KCNMA1: variants seen among roughly 807,000 people sequenced by gnomAD.
The protein encoded by KCNMA1 is Calcium-activated potassium channel subunit alpha-1.
A neutral mutation model predicts 140.0 loss-of-function variants in KCNMA1; 29 were observed. The observed-to-expected ratio is 0.21, with a 90% CI of 0.15 to 0.28. The LOEUF is 0.28. Ranked by LOEUF, KCNMA1 falls within the 10% of genes least tolerant of loss-of-function variation. KCNMA1 has a pLI of 1.00. For synonymous variants in KCNMA1, 612 were observed against 611.9 expected (o/e 1.00, Z 0.00); for missense variants, 880 against 1,602.2 (o/e 0.55, Z 7.70).
chr10:77,396,150 A>G (rs1014374594), intron 2 of KCNMA1, among the ~76,000 whole-genome samples: 2 of 152,218 alleles, frequency 1.3e-5, no homozygotes, highest in Non-Finnish European at 2.9e-5. Context: ...ACTGATTCCC[A>G]ATAGCAGAGA....
chr10:77,246,939 C>A (rs889363005), intron 3 of KCNMA1, among the ~76,000 whole-genome samples: 23 of 152,150 alleles, frequency 1.5e-4, no homozygotes, highest in Admixed American at 1.2e-3. Context: ...CAAAGACTGG[C>A]AAAATCAGCA....
chr10:77,097,508 G>A (rs1252311991), intron 9 of KCNMA1, among the ~76,000 whole-genome samples: 1 of 152,118 alleles, frequency 6.6e-6, no homozygotes, highest in African/African-American at 2.4e-5. Flanking sequence ...CATGGTAAGT[G>A]CAGAAAAAAG....
At chr10:77,597,169 G>A (rs1376618427) in intron 1 of KCNMA1, among the ~76,000 whole-genome samples, 1 of 152,014 alleles carries the variant, frequency 6.6e-6, no homozygotes, top group Non-Finnish European at 1.5e-5. Context: ...CATCAAAAGA[G>A]AATGATTGAA....
At chr10:77,622,944 G>T (rs1216984199) in intron 1 of KCNMA1, among the ~76,000 whole-genome samples, 2 of 152,208 alleles carry the variant, frequency 1.3e-5, no homozygotes, top group Non-Finnish European at 1.5e-5. Context: ...GGAGGTTCTT[G>T]CTTTACATTC....
chr10:77,296,529 TCAGAAGGGGGAC>T (rs2075157672), intron 2 of KCNMA1, among the ~76,000 whole-genome samples: 1 of 152,126 alleles, frequency 6.6e-6, no homozygotes, highest in South Asian at 2.1e-4. Context: ...AATTCATGTG[TCAGAAGGGGGAC>T]CATCAGCCAT....
intron 1 of KCNMA1, among the ~76,000 whole-genome samples, chr10:77,616,518 T>C (rs1221587545): frequency 3.3e-5 from 5 of 152,182 alleles, no homozygotes; most frequent in Admixed American, 6.5e-5. Context: ...TGAAAGTCAA[T>C]TTGAAGACCG....
intron 5 of KCNMA1, among the ~76,000 whole-genome samples, chr10:77,161,847 A>G (rs942869865): frequency 2.6e-5 from 4 of 152,240 alleles, no homozygotes; most frequent in African/African-American, 9.6e-5. Context: ...CTCTTGTTGT[A>G]GAAAAGGTAT....
rs151013327 is a variant in KCNMA1, at chr10:77,585,735, A to G, written c.378+51530T>C. 1.6e-3 allele frequency among the ~76,000 whole-genome samples: 249 copies of G among 152,238 alleles called. 2 individuals carry two copies. The highest frequency in any genetic ancestry group is 5.7e-3 in the African/African-American group (238 of 41,506). ...TCCCTGTCTTGTTTTTGGATTTCTCAGGCATCTAAAAACAGGTCCTCACCA... is the reference window on the plus strand; with the variant it reads ...TCCCTGTCTTGTTTTTGGATTTCTCGGGCATCTAAAAACAGGTCCTCACCA... On this transcript the variant is annotated intron_variant, in intron 1 of 27. Transcript: ENST00000286628.
chr10:77,478,914 T>G (rs1237875061), intron 1 of KCNMA1, among the ~76,000 whole-genome samples: 1 of 152,204 alleles, frequency 6.6e-6, no homozygotes, highest in Admixed American at 6.5e-5. Flanking sequence ...CAGTGTCACT[T>G]GGAAATGCTG....
intron 1 of KCNMA1, among the ~76,000 whole-genome samples, chr10:77,553,346 T>G (rs1176721836): frequency 6.6e-6 from 1 of 152,174 alleles, no homozygotes; most frequent in Non-Finnish European, 1.5e-5. Flanking sequence ...CTTCCCCCAT[T>G]GGCCAAGTCT....
At chr10:77,081,791 G>C (rs929888332) in intron 12 of KCNMA1, among the ~76,000 whole-genome samples, 2 of 152,052 alleles carry the variant, frequency 1.3e-5, no homozygotes, top group African/African-American at 2.4e-5. Context: ...TTCTGCATTA[G>C]CTCATTTCAA....
At chr10:77,119,897 CAAAAT>C (rs2097558773) in intron 6 of KCNMA1, among the ~76,000 whole-genome samples, 1 of 151,870 alleles carries the variant, frequency 6.6e-6, no homozygotes. Context: ...GGAATTAAAG[CAAAAT>C]AAAATAAACA....
intron 1 of KCNMA1, among the ~76,000 whole-genome samples, chr10:77,415,581 C>T (rs139913080): frequency 1.3e-3 from 192 of 152,378 alleles, no homozygotes; most frequent in African/African-American, 4.1e-3. Context: ...TAACCAAACA[C>T]ACAGGAAATC....
intron 5 of KCNMA1, among the ~76,000 whole-genome samples, chr10:77,158,553 T>C (rs1372916328): frequency 6.6e-6 from 1 of 152,050 alleles, no homozygotes; most frequent in Non-Finnish European, 1.5e-5. Flanking sequence ...CCCTCCATGA[T>C]TCCTAGTTTG....
chr10:77,046,622 A>G (rs1422682695), intron 14 of KCNMA1, among the ~76,000 whole-genome samples: 1 of 152,174 alleles, frequency 6.6e-6, no homozygotes, highest in Non-Finnish European at 1.5e-5. Context: ...TATTAAGAAG[A>G]CTTCATCATG....
intron 16 of KCNMA1, among the ~76,000 whole-genome samples, chr10:77,022,610 A>G (rs1257745136): frequency 6.6e-6 from 1 of 152,220 alleles, no homozygotes; most frequent in African/African-American, 2.4e-5. Flanking sequence ...GGTACAAAAC[A>G]TGATCACATT....
intron 25 of KCNMA1, among the ~76,000 whole-genome samples, chr10:76,905,772 T>C (rs2047591427): frequency 1.3e-5 from 2 of 152,350 alleles, no homozygotes; most frequent in Non-Finnish European, 2.9e-5. Context: ...ATTCATTTAT[T>C]CACTTACCTA....
intron 24 of KCNMA1, chr10:76,910,951 T>C (rs1368058189): frequency 6.6e-6 from 1 of 152,148 alleles, no homozygotes; most frequent in Non-Finnish European, 1.5e-5. Context: ...AAAAATTAAA[T>C]GACAAATTAA....
At chr10:76,894,085 T>A (rs1157587666) in intron 25 of KCNMA1, among the ~76,000 whole-genome samples, 1 of 152,122 alleles carries the variant, frequency 6.6e-6, no homozygotes, top group Non-Finnish European at 1.5e-5. Context: ...CAAAACATAC[T>A]ACAAGACTAT....
Sources: allele counts gnomAD v4.1 joint callset (sites outside exome capture counted in the v4.1 genomes callset), GRCh38; gene constraint gnomAD v4.1.1; transcripts MANE v1.5; gene names NCBI Gene and HGNC (gene_info 2026-07-23, HGNC 2026-07-21).